ERC2: variants seen among roughly 807,000 people sequenced by gnomAD.
ERC2 encodes the protein ELKS/RAB6-interacting/CAST family member 2, also known as ERC protein 2.
A neutral mutation model predicts 114.8 loss-of-function variants in ERC2; 42 were observed. That is an observed-to-expected ratio of 0.37 (90% confidence interval 0.29 to 0.47). The LOEUF (loss-of-function observed/expected upper bound fraction) is 0.47, where lower values mean the gene tolerates loss of function less well. Ranked by LOEUF, ERC2 falls within the 20% of genes least tolerant of loss-of-function variation. The pLI is 0.99. For missense variants in ERC2, 939 were observed against 1,150.7 expected, an observed-to-expected ratio of 0.82 and a Z score of 2.66; for synonymous variants, 454 against 425.5, an observed-to-expected ratio of 1.07 and a Z score of -0.82.
chr3:56,242,148 C>T (rs910951644), intron 3 of ERC2, among the ~76,000 whole-genome samples: 5 of 152,038 alleles, frequency 3.3e-5, no homozygotes, highest in Non-Finnish European at 5.9e-5. Context: ...AGCCATAAAA[C>T]GGAACAAAAT....
chr3:56,291,474 T>G (rs2055081389), intron 3 of ERC2, among the ~76,000 whole-genome samples: 1 of 152,100 alleles, frequency 6.6e-6, no homozygotes, highest in African/African-American at 2.4e-5. Flanking sequence ...AATAAGACAC[T>G]AAAGCAACCC....
chr3:55,653,481 T>A (rs902727319), intron 17 of ERC2, among the ~76,000 whole-genome samples: 1 of 152,158 alleles, frequency 6.6e-6, no homozygotes, highest in African/African-American at 2.4e-5. Flanking sequence ...ATTATACCGA[T>A]GTGGAAAGAA....
At chr3:56,384,687 T>A (rs2059872763) in intron 2 of ERC2, among the ~76,000 whole-genome samples, 1 of 152,182 alleles carries the variant, frequency 6.6e-6, no homozygotes, top group South Asian at 2.1e-4. Context: ...TTTTGATGTA[T>A]GATTTTAAAT....
intron 3 of ERC2, among the ~76,000 whole-genome samples, chr3:56,248,160 G>C (rs959313531): frequency 6.6e-6 from 1 of 152,138 alleles, no homozygotes; most frequent in Admixed American, 6.5e-5. Context: ...CACAATCATA[G>C]TTCATTGTAA....
In ERC2 at chr3:55,782,096, C is replaced by G. The variant is rs115325538; in HGVS notation, c.2565-47178G>C. On this transcript the variant is annotated intron_variant, in intron 14 of 17. Transcript: ENST00000288221. ...CTGCCAGGGGCATCTCACATTGGTT[C>G]CCACTGTGTGCTCTGAGACACTCAG... Among the ~76,000 whole-genome samples, 1,341 of 152,180 alleles carry G rather than the reference C, an allele frequency of 8.8e-3. 29 individuals are homozygous for G. The highest frequency in any genetic ancestry group is 0.03 in the African/African-American group (1,266 of 41,512).
chr3:56,448,973 G>A (rs1196240228), intron 1 of ERC2, among the ~76,000 whole-genome samples: 1 of 151,494 alleles, frequency 6.6e-6, no homozygotes, highest in Non-Finnish European at 1.5e-5. Flanking sequence ...TACTCGGGAG[G>A]CTGAGGCAGG....
At chr3:55,634,794 G>A (rs1056704851) in intron 17 of ERC2, among the ~76,000 whole-genome samples, 4 of 152,120 alleles carry the variant, frequency 2.6e-5, no homozygotes, top group African/African-American at 9.7e-5. Context: ...CACTAATAGT[G>A]GTTCATTTTT....
intron 17 of ERC2, 150 bp downstream of exon 17, chr3:55,683,644 T>G: frequency 4.9e-6 from 3 of 613,578 alleles, no homozygotes; most frequent in East Asian, 3.2e-5. Flanking sequence ...TTGGGAAGGG[T>G]CAGGGCACGC....
At chr3:56,256,206 C>T (rs1432227154) in intron 3 of ERC2, among the ~76,000 whole-genome samples, 2 of 152,206 alleles carry the variant, frequency 1.3e-5, no homozygotes, top group Non-Finnish European at 2.9e-5. Flanking sequence ...AGGAGACCTG[C>T]AGAGACAACT....
chr3:55,970,315 T>G (rs1253402612), intron 12 of ERC2, among the ~76,000 whole-genome samples: 1 of 152,060 alleles, frequency 6.6e-6, no homozygotes, highest in Non-Finnish European at 1.5e-5. Context: ...AATTTAGTAT[T>G]GTGTATTAAA....
intron 14 of ERC2, among the ~76,000 whole-genome samples, chr3:55,756,031 G>A (rs193290487): frequency 3.9e-5 from 6 of 152,194 alleles, no homozygotes; most frequent in African/African-American, 1.4e-4. Context: ...TAATGAAAAG[G>A]AACAGGCTTG....
At chr3:55,913,664 T>C (rs1214290929) in intron 13 of ERC2, among the ~76,000 whole-genome samples, 4 of 152,296 alleles carry the variant, frequency 2.6e-5, no homozygotes, top group Admixed American at 6.5e-5. Context: ...CTTTTTCCAA[T>C]GGAGAATTTT....
chr3:56,080,951 C>A lies in ERC2; in HGVS notation c.1507G>T (p.Glu503Ter). Reference sequence around the variant, plus strand: ...TTTGTTTTTTTATTGAGGAAAGATTCTTTTTCTTCCAGTCGTAATCTCAGC... The same window carrying A: ...TTTGTTTTTTTATTGAGGAAAGATTATTTTTCTTCCAGTCGTAATCTCAGC... ...DALRLRLEEKESFLNKKTKQL... is the reference protein window; with the variant it reads ...DALRLRLEEK The change falls in exon 7 of 18, where the codon GAA becomes TAA. Residue 503 changes from glutamate (E) to a stop codon, truncating the protein, a stop_gained. Transcript: ENST00000288221. LOFTEE classifies it high-confidence loss of function. The A allele has an allele frequency of 6.2e-7, 1 of 1,613,174 alleles. No homozygotes were observed. Among genetic ancestry groups the A allele is most frequent in the Non-Finnish European group, 8.5e-7 (1 of 1,179,526 alleles).
intron 6 of ERC2, among the ~76,000 whole-genome samples, chr3:56,090,215 A>G (rs1346543390): frequency 2.6e-5 from 4 of 152,162 alleles, no homozygotes; most frequent in Non-Finnish European, 5.9e-5. Context: ...GCATCATCAA[A>G]AACTGGCTCT....
At chr3:56,460,350 C>T (rs1347721525) in intron 1 of ERC2, among the ~76,000 whole-genome samples, 2 of 152,166 alleles carry the variant, frequency 1.3e-5, no homozygotes, top group African/African-American at 4.8e-5. Context: ...CAAACTCTGG[C>T]TCTGCCACAG....
chr3:55,759,958 A>G (rs1275343836), intron 14 of ERC2, among the ~76,000 whole-genome samples: 2 of 152,244 alleles, frequency 1.3e-5, no homozygotes, highest in Admixed American at 1.3e-4. Context: ...TGGACTTTTC[A>G]TAATACACAC....
chr3:55,548,165 C>A (rs1303982720), intron 17 of ERC2, among the ~76,000 whole-genome samples: 1 of 152,236 alleles, frequency 6.6e-6, no homozygotes, highest in Non-Finnish European at 1.5e-5. Flanking sequence ...TGACCTGTGG[C>A]CCCTACATTC....
At chr3:55,621,656 T>A (rs976619465) in intron 17 of ERC2, among the ~76,000 whole-genome samples, 1 of 152,156 alleles carries the variant, frequency 6.6e-6, no homozygotes, top group African/African-American at 2.4e-5. Flanking sequence ...CACAGCAAAT[T>A]CTGGAAGCAC....
chr3:55,830,772 C>T (rs190042389), intron 14 of ERC2, among the ~76,000 whole-genome samples: 1 of 152,028 alleles, frequency 6.6e-6, no homozygotes, highest in East Asian at 1.9e-4. Context: ...AGCAAGACCC[C>T]ATTTCTAAAA....
Sources: gnomAD v4.1 joint callset for allele counts (sites outside exome capture counted in the v4.1 genomes callset) on GRCh38, gnomAD v4.1.1 for gene constraint, MANE v1.5 for transcripts, NCBI Gene and HGNC (gene_info 2026-07-23, HGNC 2026-07-21) for gene names.